ATRNL1: variants seen among roughly 807,000 people sequenced by gnomAD.
ATRNL1 encodes the protein attractin-like protein 1.
ATRNL1 carries 95 observed loss-of-function variants against 182.7 expected under a neutral mutation model. The ratio of observed to expected loss-of-function variants is 0.52; its 90% confidence interval spans 0.44 to 0.62. The LOEUF is 0.62. Ranked by LOEUF, ATRNL1 falls within the 20% of genes least tolerant of loss-of-function variation. The pLI is 0.00. For missense variants in ATRNL1, 1,471 were observed against 1,679.5 expected, an observed-to-expected ratio of 0.88 and a Z score of 2.17; for synonymous variants, 576 against 568.3, an observed-to-expected ratio of 1.01 and a Z score of -0.19.
intron 28 of ATRNL1, among the ~76,000 whole-genome samples, chr10:115,902,678 T>A (rs1156787729): frequency 6.6e-6 from 1 of 152,202 alleles, no homozygotes; most frequent in Non-Finnish European, 1.5e-5. Context: ...TGCTTTCTGT[T>A]TGTTTGTATA....
At chr10:115,878,190 C>G (rs1951742034) in intron 28 of ATRNL1, among the ~76,000 whole-genome samples, 1 of 152,240 alleles carries the variant, frequency 6.6e-6, no homozygotes, top group South Asian at 2.1e-4. Context: ...TTCATTTGGA[C>G]TAAATCTGTT....
chr10:115,527,126 T>C (rs1387128339), intron 25 of ATRNL1, among the ~76,000 whole-genome samples: 1 of 116,704 alleles, frequency 8.6e-6, no homozygotes, highest in Non-Finnish European at 1.9e-5. Context: ...CTTTTTTTTT[T>C]TTTTCCCCCC....
At chr10:115,780,281 G>C (rs1489225927) in intron 27 of ATRNL1, among the ~76,000 whole-genome samples, 2 of 152,160 alleles carry the variant, frequency 1.3e-5, no homozygotes, top group African/African-American at 4.8e-5. Context: ...CTAGGCAGAG[G>C]GGAATCACCT....
At chr10:115,312,214 A>C (rs1247081407) in intron 17 of ATRNL1, among the ~76,000 whole-genome samples, 1 of 152,064 alleles carries the variant, frequency 6.6e-6, no homozygotes, top group Non-Finnish European at 1.5e-5. Flanking sequence ...TGAGTTTTAT[A>C]CTTTCAAGAG....
chr10:115,672,217 A>T (rs1593044476), intron 26 of ATRNL1, among the ~76,000 whole-genome samples: 1 of 152,212 alleles, frequency 6.6e-6, no homozygotes, highest in South Asian at 2.1e-4. Flanking sequence ...AACTTGAAAC[A>T]TGGTAGATGT....
intron 19 of ATRNL1, among the ~76,000 whole-genome samples, chr10:115,351,630 T>G (rs1856255260): frequency 6.6e-6 from 1 of 152,196 alleles, no homozygotes; most frequent in Admixed American, 6.5e-5. Context: ...GAATCTTACT[T>G]CATTACGATG....
chr10:115,665,131 G>T (rs1156794012), intron 26 of ATRNL1, among the ~76,000 whole-genome samples: 6 of 152,094 alleles, frequency 3.9e-5, no homozygotes, highest in Non-Finnish European at 7.4e-5. Context: ...CAATATGTTT[G>T]TTGTTGTGGC....
chr10:115,699,043 C>T (rs1271742933), intron 26 of ATRNL1, among the ~76,000 whole-genome samples: 1 of 151,782 alleles, frequency 6.6e-6, no homozygotes, highest in African/African-American at 2.4e-5. Flanking sequence ...TTAACAGATG[C>T]TCAAGATTGT....
chr10:115,255,863 G>T (rs902198593), intron 10 of ATRNL1, among the ~76,000 whole-genome samples: 1 of 152,250 alleles, frequency 6.6e-6, no homozygotes, highest in East Asian at 1.9e-4. Context: ...GTTGAATTTT[G>T]TCGAAGGCCT....
chr10:115,300,422 ATAT>A (rs1554924128), intron 16 of ATRNL1, among the ~76,000 whole-genome samples, 175 bp downstream of exon 16: 1 of 152,214 alleles, frequency 6.6e-6, no homozygotes, highest in African/African-American at 2.4e-5. Flanking sequence ...AAATAACATA[ATAT>A]TATTATTTTA....
chr10:115,688,947 T>G (rs1222355642), intron 26 of ATRNL1, among the ~76,000 whole-genome samples: 1 of 152,174 alleles, frequency 6.6e-6, no homozygotes, highest in Non-Finnish European at 1.5e-5. Context: ...ATTTAAGTCA[T>G]TAATGCATCT....
chr10:115,862,238 T>G (rs1555103654), intron 28 of ATRNL1, among the ~76,000 whole-genome samples: 1 of 152,228 alleles, frequency 6.6e-6, no homozygotes, highest in Admixed American at 6.5e-5. Context: ...CTGTTACATA[T>G]AAAAACAAGC....
At chr10:115,252,606 G>A (rs1001126132) in intron 10 of ATRNL1, among the ~76,000 whole-genome samples, 5 of 152,222 alleles carry the variant, frequency 3.3e-5, no homozygotes, top group African/African-American at 1.2e-4. Flanking sequence ...CAAAATTTGG[G>A]AAGACTTTAA....
chr10:115,850,007 C>T (rs768775622), intron 28 of ATRNL1, among the ~76,000 whole-genome samples: 7 of 152,110 alleles, frequency 4.6e-5, no homozygotes, highest in Non-Finnish European at 1.0e-4. Context: ...TGAGTATCTG[C>T]GTACATAATT....
chr10:115,863,180 C>T (rs1336234905), intron 28 of ATRNL1, among the ~76,000 whole-genome samples: 2 of 152,070 alleles, frequency 1.3e-5, no homozygotes, highest in Non-Finnish European at 2.9e-5. Context: ...TTAGAAAAAA[C>T]CTGACCTTTC....
intron 24 of ATRNL1, among the ~76,000 whole-genome samples, chr10:115,515,732 T>G (rs941486232): frequency 1.3e-5 from 2 of 151,998 alleles, no homozygotes; most frequent in East Asian, 1.9e-4. Flanking sequence ...TCTCCTTATA[T>G]TATTCTGTTT....
At chr10:115,479,940 G>T (rs1166115557) in intron 24 of ATRNL1, among the ~76,000 whole-genome samples, 3 of 151,220 alleles carry the variant, frequency 2.0e-5, no homozygotes, top group Non-Finnish European at 4.4e-5. Context: ...TCAATTACCT[G>T]TTTCTGAGCA....
At chr10:115,632,843 A>G (rs1240734467) in intron 26 of ATRNL1, among the ~76,000 whole-genome samples, 2 of 121,948 alleles carry the variant, frequency 1.6e-5, no homozygotes, top group African/African-American at 5.5e-5. Context: ...ATAAATACAA[A>G]TTCTAGGGCC....
At chr10:115,632,550 A>G (rs1858581022) in intron 26 of ATRNL1, among the ~76,000 whole-genome samples, 1 of 152,188 alleles carries the variant, frequency 6.6e-6, no homozygotes, top group African/African-American at 2.4e-5. Context: ...TTCTCTTACA[A>G]ATTTCACTCA....
Sources: gnomAD v4.1 joint callset for allele counts (sites outside exome capture counted in the v4.1 genomes callset) on GRCh38, gnomAD v4.1.1 for gene constraint, MANE v1.5 for transcripts, NCBI Gene and HGNC (gene_info 2026-07-23, HGNC 2026-07-21) for gene names.